Variants in ZUP1 observed in about 807,000 individuals in gnomAD.
The protein encoded by ZUP1 is zinc finger-containing ubiquitin peptidase 1.
A neutral mutation model predicts 68.1 loss-of-function variants in ZUP1; 55 were observed. That is an observed-to-expected ratio of 0.81 (90% CI 0.65 to 1.01). The LOEUF (loss-of-function observed/expected upper bound fraction) is 1.01, where lower values mean the gene tolerates loss of function less well. Among genes scored for constraint, ZUP1 ranks in the 50% least tolerant of loss-of-function variants. The pLI is 0.00. For synonymous variants in ZUP1, 223 were observed against 221.5 expected (o/e 1.01, Z -0.06); for missense variants, 684 against 674.9 (o/e 1.01, Z -0.15).
chr6:116,640,599 G>A lies in ZUP1; in HGVS notation c.1690-4720C>T, dbSNP rs1467986007. On this transcript the variant is annotated intron_variant, in intron 9 of 9. Transcript: ENST00000368576. ...TATCCAGCCAAACTAAGCTTCACAA[G>A]TGAAGGAGAAATAAAATACTTTACA... Among the ~76,000 whole-genome samples, 5 of 152,086 alleles carry A rather than the reference G, an allele frequency of 3.3e-5. No homozygotes were observed. The East Asian group carries it at 9.7e-4, about 29-fold the overall frequency.
intron 5 of ZUP1, 64 bp downstream of exon 5, chr6:116,656,620 T>A (rs1039550807): frequency 1.5e-6 from 2 of 1,301,528 alleles, no homozygotes; most frequent in Non-Finnish European, 2.1e-6. Flanking sequence ...TTAAAATGAT[T>A]CTGATTATTA....
Position 116,656,741 on chromosome 6 carries a change from C to T in ZUP1, c.904G>A (p.Ala302Thr). The T allele has an allele frequency of 6.2e-7, 1 of 1,612,650 alleles. No homozygotes were observed. ...MPPSEFHRRK[A>T]DMMESLALGF... ...AGAGCTAATGATTCCATCATATCAG[C>T]TTTTCTCCTATGAAATTCAGATGGA... The change falls in exon 5 of 10, where the codon GCT becomes ACT. Residue 302 changes from alanine (A) to threonine (T), a missense_variant. Transcript: ENST00000368576.
At chr6:116,658,105 C>A (rs548376695) in intron 4 of ZUP1, among the ~76,000 whole-genome samples, 1 of 151,950 alleles carries the variant, frequency 6.6e-6, no homozygotes, top group South Asian at 2.1e-4. Context: ...AACAAACAAA[C>A]AAACAACAAC....
At chr6:116,663,676 C>T (rs1280508594) in intron 2 of ZUP1, among the ~76,000 whole-genome samples, 3 of 152,082 alleles carry the variant, frequency 2.0e-5, no homozygotes, top group Non-Finnish European at 2.9e-5. Flanking sequence ...CGCAGTGGCT[C>T]CCACCTGCAA....
rs1287206284 is a variant in ZUP1, at chr6:116,659,619, GA to G, written c.671-696del. Among the ~76,000 whole-genome samples the G allele has an allele frequency of 4.6e-3, 639 of 138,056 alleles. 3 individuals are homozygous for G. Among genetic ancestry groups the G allele is most frequent in the Middle Eastern group, 0.011 (3 of 280 alleles). The allele number at this position is 138,056 out of a possible 152,430, so 90.6% of individuals were successfully genotyped here. On this transcript the variant is annotated intron_variant, in intron 3 of 9. Coordinates refer to ENST00000368576, the MANE Select transcript of ZUP1 (RefSeq NM_145062.3). ...GATTTTTCAAAGAAATACTAGGGGA[GA>G]AAAAAAAAAAAATAAAGAGCATAAA...
chr6:116,638,904 G>T (rs141944576), intron 9 of ZUP1, among the ~76,000 whole-genome samples: 1 of 152,232 alleles, frequency 6.6e-6, no homozygotes, highest in Non-Finnish European at 1.5e-5. Context: ...CTCGGGAAGC[G>T]CAAGGGGTCA....
In ZUP1 at chr6:116,652,096, A is replaced by G. The variant is rs2114255059; in HGVS notation, c.1058T>C (p.Leu353Ser). ...SSVVDHFHSS[L>S]GDKGWGCGYR... Reference sequence around the variant, plus strand: ...ACCACAACCCCAACCTTTGTCGCCTAAAGATGAATGAAAGTGATCCACCAC... The same window carrying G: ...ACCACAACCCCAACCTTTGTCGCCTGAAGATGAATGAAAGTGATCCACCAC... Residue 353 changes from leucine to serine, a missense_variant, in exon 6 of 10, where the codon TTA becomes TCA. Leu to Ser is a moderately radical substitution (Grantham distance 145). Coordinates refer to ENST00000368576, the MANE Select transcript of ZUP1 (RefSeq NM_145062.3). 1 of 1,614,036 alleles carries G rather than the reference A, an allele frequency of 6.2e-7. No individual in the cohort carries two copies.
intron 1 of ZUP1, among the ~76,000 whole-genome samples, chr6:116,667,880 T>C (rs1356840902): frequency 1.3e-5 from 2 of 152,128 alleles, no homozygotes; most frequent in Non-Finnish European, 2.9e-5. Flanking sequence ...AACTGGGTAA[T>C]AATTTCAGAT....
Position 116,667,135 on chromosome 6 carries a change from G to A in ZUP1, c.58C>T (p.His20Tyr). 1.2e-6 allele frequency: 2 copies of A among 1,612,058 alleles called. No individual in the cohort carries two copies. Among genetic ancestry groups the A allele is most frequent in the South Asian group, 2.2e-5 (2 of 90,710 alleles). ...TVTSEPDMKA[H>Y]LIVHMESEII... Reference sequence around the variant, plus strand: ...TCACTTTCCATGTGAACAATTAGGTGAGCTTTCATGTCTGGTTCTGAGGTT... The same window carrying A: ...TCACTTTCCATGTGAACAATTAGGTAAGCTTTCATGTCTGGTTCTGAGGTT... Residue 20 changes from histidine to tyrosine, a missense_variant, in exon 2 of 10, where the codon CAC becomes TAC. Physicochemically the swap from His to Tyr is moderately conservative, Grantham distance 83. Transcript: ENST00000368576.
chr6:116,658,003 GAA>G, intron 4 of ZUP1, among the ~76,000 whole-genome samples: 1 of 152,194 alleles, frequency 6.6e-6, no homozygotes. Flanking sequence ...TGAGGCAGGA[GAA>G]TCACTTGACC....
At chr6:116,659,804 AC>A (rs1776782654) in intron 3 of ZUP1, among the ~76,000 whole-genome samples, 1 of 151,996 alleles carries the variant, frequency 6.6e-6, no homozygotes, top group South Asian at 2.1e-4. Flanking sequence ...TGTCTCCTTA[AC>A]CCCATGACCT....
intron 4 of ZUP1, among the ~76,000 whole-genome samples, 185 bp from the exon 5 acceptor site, chr6:116,657,037 T>C (rs546938709): frequency 1.4e-4 from 22 of 152,052 alleles, no homozygotes; most frequent in Admixed American, 2.0e-4. Flanking sequence ...AAAAAAATTA[T>C]TGACTTAATA....
chr6:116,646,329 CTT>C, intron 8 of ZUP1: 1 of 160,642 alleles, frequency 6.2e-6, no homozygotes, highest in Non-Finnish European at 1.4e-5. Flanking sequence ...AGCTTAATCT[CTT>C]ATAGTTTATA....
At chr6:116,651,349 G>T (rs962339497) in intron 7 of ZUP1, among the ~76,000 whole-genome samples, 6 of 152,138 alleles carry the variant, frequency 3.9e-5, no homozygotes, top group Non-Finnish European at 7.4e-5. Flanking sequence ...AGCTATGAAA[G>T]CATACCATTT....
At chr6:116,639,494 T>A (rs955579142) in intron 9 of ZUP1, among the ~76,000 whole-genome samples, 5 of 149,992 alleles carry the variant, frequency 3.3e-5, no homozygotes, top group African/African-American at 1.3e-4. Context: ...AGACAAAACT[T>A]CCAGAGGAAC....
intron 9 of ZUP1, among the ~76,000 whole-genome samples, chr6:116,645,361 G>A (rs1456014382): frequency 2.0e-5 from 3 of 151,852 alleles, no homozygotes; most frequent in African/African-American, 4.8e-5. Flanking sequence ...TGGGCAGATC[G>A]CTTGAGCCTA....
At position 116,640,870 on chromosome 6, in the gene ZUP1, T is replaced by C. The variant is rs1203609754; in HGVS notation, c.1689+4844A>G. On this transcript the variant is annotated intron_variant, in intron 9 of 9. Coordinates refer to ENST00000368576, the MANE Select transcript of ZUP1 (RefSeq NM_145062.3). The stretch of plus-strand genomic sequence containing the variant: ...CTTTAAATGTAAATGGACTAAATGC[T>C]CCAATTAAAAGACACAGACTGGCAA... Among the ~76,000 whole-genome samples, 615 of 149,418 alleles carry C rather than the reference T, an allele frequency of 4.1e-3. 3 individuals carry two copies. The highest frequency in any genetic ancestry group is 0.015 in the African/African-American group (596 of 40,336).
chr6:116,665,182 C>CA (rs1189677966), intron 2 of ZUP1, among the ~76,000 whole-genome samples: 1 of 151,320 alleles, frequency 6.6e-6, no homozygotes, highest in East Asian at 1.9e-4. Flanking sequence ...CTCAAGTGTA[C>CA]AAAAAATGTA....
At chr6:116,659,917 C>G (rs909251727) in intron 3 of ZUP1, among the ~76,000 whole-genome samples, 1 of 152,210 alleles carries the variant, frequency 6.6e-6, no homozygotes, top group Non-Finnish European at 1.5e-5. Flanking sequence ...TGGGGATATA[C>G]AAGTCACACT....
Sources: allele counts gnomAD v4.1 joint callset (sites outside exome capture counted in the v4.1 genomes callset), GRCh38; gene constraint gnomAD v4.1.1; transcripts MANE v1.5; gene names NCBI Gene and HGNC (gene_info 2026-07-23, HGNC 2026-07-21).